INPP5A: variants seen among roughly 807,000 people sequenced by gnomAD.
The protein encoded by INPP5A is 43 kDa inositol polyphosphate 5-phophatase.
A neutral mutation model predicts 65.2 loss-of-function variants in INPP5A; 14 were observed. The observed-to-expected ratio is 0.21, with a 90% CI of 0.14 to 0.34. INPP5A has a LOEUF of 0.34. INPP5A is among the 10% of genes least tolerant of loss of function. The probability of loss-of-function intolerance (pLI) is 1.00; values close to 1 mark genes in which losing one functional copy is unlikely to be tolerated. For synonymous variants in INPP5A, 207 were observed against 208.3 expected, an observed-to-expected ratio of 0.99 and a Z score of 0.05; for missense variants, 431 against 545.6, an observed-to-expected ratio of 0.79 and a Z score of 2.09.
At chr10:132,588,012 CAAAAAAAAAAAAA>C (rs796469034) in intron 1 of INPP5A, among the ~76,000 whole-genome samples, 1 of 55,910 alleles carries the variant, frequency 1.8e-5, no homozygotes, top group Admixed American at 2.0e-4. Flanking sequence ...AACTCCATCT[CAAAAAAAAAAAAA>C]AAAAAAAAGG....
rs1476170328 is a variant in INPP5A at position 132,782,127 on chromosome 10, C to T, written c.*98C>T. The stretch of plus-strand genomic sequence containing the variant: ...CACTCTTGAAAGCTGCATCGAGAAC[C>T]CGCCCAAGCGCCACCTGCTAGACGG... On this transcript the variant is annotated 3_prime_UTR_variant, in exon 16 of 16. Transcript: ENST00000368594. The surrounding 1 kb of genome is among the most constrained non-coding windows in gnomAD (Gnocchi z 4.4). 13 of 1,529,464 alleles carry T rather than the reference C, an allele frequency of 8.5e-6. 1 individual carries two copies. In the East Asian group the frequency reaches 3.0e-4, roughly 36 times the overall value. The allele number at this position is 1,529,464 out of a possible 1,614,324, so 94.7% of individuals were successfully genotyped here.
intron 4 of INPP5A, among the ~76,000 whole-genome samples, chr10:132,683,454 A>G (rs756128758): frequency 6.6e-6 from 1 of 152,120 alleles, no homozygotes; most frequent in South Asian, 2.1e-4. Flanking sequence ...TGTTATATAT[A>G]TATGCACGCA....
At chr10:132,606,815 G>GCCT (rs1361683248) in intron 1 of INPP5A, among the ~76,000 whole-genome samples, 2 of 152,342 alleles carry the variant, frequency 1.3e-5, no homozygotes, top group East Asian at 3.9e-4. Flanking sequence ...CGGGGGCAGG[G>GCCT]CCTTGTTTAT....
chr10:132,618,465 C>T (rs1373335319), intron 2 of INPP5A, among the ~76,000 whole-genome samples: 2 of 152,202 alleles, frequency 1.3e-5, no homozygotes, highest in African/African-American at 2.4e-5. Flanking sequence ...AATAGGTGAG[C>T]TAAATGGAGG....
intron 9 of INPP5A, among the ~76,000 whole-genome samples, chr10:132,734,614 G>A (rs897970175): frequency 1.3e-4 from 20 of 152,202 alleles, no homozygotes; most frequent in Non-Finnish European, 2.2e-4. Flanking sequence ...TGTCCTGTGC[G>A]TTTGCTATGT....
intron 4 of INPP5A, among the ~76,000 whole-genome samples, chr10:132,680,289 G>A (rs1244666641): frequency 2.6e-5 from 4 of 152,182 alleles, no homozygotes; most frequent in Non-Finnish European, 4.4e-5. Context: ...GTCAGAAAGG[G>A]GTTTGAATAG....
chr10:132,585,028 A>G (rs531864279), intron 1 of INPP5A, among the ~76,000 whole-genome samples: 63 of 152,298 alleles, frequency 4.1e-4, no homozygotes, highest in Admixed American at 8.5e-4. Context: ...TTTCCAAGGA[A>G]CTTGTTTAAT....
Position 132,663,082 on chromosome 10 carries a change from C to T in INPP5A, c.306+12577C>T, listed in dbSNP as rs1004149818. 6.6e-6 allele frequency among the ~76,000 whole-genome samples: 1 copy of T among 152,186 alleles called. No homozygotes were observed. Among genetic ancestry groups the T allele is most frequent in the Non-Finnish European group, 1.5e-5 (1 of 68,030 alleles). ...TTCCATCAGCAGCTGGCCCCTCGAA[C>T]GGACTGTGCACACCACTGTGTGTCT... On this transcript the variant is annotated intron_variant, in intron 4 of 15. Transcript: ENST00000368594. This position sits in a 1 kb window ranked among gnomAD's most constrained non-coding sequence, Gnocchi z 4.5.
intron 1 of INPP5A, among the ~76,000 whole-genome samples, chr10:132,544,818 G>A (rs1314198305): frequency 2.6e-5 from 4 of 152,108 alleles, no homozygotes; most frequent in Non-Finnish European, 5.9e-5. Flanking sequence ...CTTTGAGAAC[G>A]GCCGGCGGTG....
intron 1 of INPP5A, among the ~76,000 whole-genome samples, chr10:132,596,490 C>A (rs2071690645): frequency 6.7e-6 from 1 of 150,300 alleles, no homozygotes; most frequent in Non-Finnish European, 1.5e-5. Flanking sequence ...TGCAGTGGCA[C>A]CATCTCAGCT....
chr10:132,550,868 A>G lies in INPP5A; in HGVS notation c.75+12697A>G, dbSNP rs1405216542. 6.6e-6 allele frequency among the ~76,000 whole-genome samples: 1 copy of G among 152,216 alleles called. No individual in the cohort carries two copies. The highest frequency in any genetic ancestry group is 2.4e-5 in the African/African-American group (1 of 41,448). On this transcript the variant is annotated intron_variant, in intron 1 of 15. Coordinates refer to ENST00000368594, the MANE Select transcript of INPP5A (RefSeq NM_005539.5). This position sits in a 1 kb window ranked among gnomAD's most constrained non-coding sequence, Gnocchi z 4.2. ...CATAGCTGTTGTCTCTTTGGCCACC[A>G]ACTGGCCCCTATGGCGTTTGGCCTT...
In INPP5A at chr10:132,749,536, C is replaced by T. The variant is rs774788657; in HGVS notation, c.752C>T (p.Thr251Ile). The change falls in exon 10 of 16, where the codon ACC (threonine) becomes ATC (isoleucine). Residue 251 changes from threonine (T) to isoleucine (I), a missense_variant. By Grantham distance (89) the Thr-to-Ile change is moderately conservative. Coordinates refer to ENST00000368594, the MANE Select transcript of INPP5A (RefSeq NM_005539.5). The part of the protein sequence containing the change: ...SVVETLCTKA[T>I]MQTVRAADTN... ...CTGCAGACGCTCTGCACAAAAGCCA[C>T]CATGCAGACGGTCCGGGCCGCCGAC... is the stretch of plus-strand genomic sequence containing the variant. 1.3e-5 allele frequency: 21 copies of T among 1,612,964 alleles called. No individual in the cohort carries two copies. Among genetic ancestry groups the T allele is most frequent in the Admixed American group, 1.7e-5 (1 of 60,032 alleles).
In INPP5A at chr10:132,708,381, G is replaced by T; in HGVS notation, c.527+16G>T. On this transcript the variant is annotated intron_variant, in intron 7 of 15. Transcript: ENST00000368594. ...TTGCAGACTGGTACGTGGTGTCTGT[G>T]CTTTGTCAATTTCCATAACGTTTCT... 6.2e-7 allele frequency: 1 copy of T among 1,612,398 alleles called. No individual in the cohort carries two copies.
Position 132,627,570 on chromosome 10 carries a change from G to A in INPP5A, c.118-18298G>A, listed in dbSNP as rs1306920625. ...ACTCCCTCTGTGTCCCCAGCTGCCA[G>A]CAACGTGCAGCGGATGACAAGTGAA... is the stretch of plus-strand genomic sequence containing the variant. On this transcript the variant is annotated intron_variant, in intron 2 of 15. Coordinates refer to ENST00000368594, the MANE Select transcript of INPP5A (RefSeq NM_005539.5). The surrounding 1 kb of genome is among the most constrained non-coding windows in gnomAD (Gnocchi z 6.6). Among the ~76,000 whole-genome samples the A allele has an allele frequency of 6.6e-6, 1 of 152,232 alleles. No individual in the cohort carries two copies. The highest frequency in any genetic ancestry group is 1.5e-5 in the Non-Finnish European group (1 of 68,046).
Position 132,697,200 on chromosome 10 carries a change from G to T in INPP5A, c.371-616G>T, listed in dbSNP as rs898099400. 2.6e-5 allele frequency among the ~76,000 whole-genome samples: 4 copies of T among 152,264 alleles called. No individual in the cohort carries two copies. Among genetic ancestry groups the T allele is most frequent in the African/African-American group, 4.8e-5 (2 of 41,472 alleles). On this transcript the variant is annotated intron_variant, in intron 5 of 15. Transcript: ENST00000368594. The surrounding 1 kb of genome is among the most constrained non-coding windows in gnomAD (Gnocchi z 5.6). ...TCCTTGATCACACCCCACCTTGGGTGTGGAGCTACCTGTCCATAAAAAGAA... is the reference window on the plus strand; with the variant it reads ...TCCTTGATCACACCCCACCTTGGGTTTGGAGCTACCTGTCCATAAAAAGAA...
intron 5 of INPP5A, among the ~76,000 whole-genome samples, chr10:132,696,382 C>A (rs1845344184): frequency 1.3e-5 from 2 of 152,126 alleles, no homozygotes; most frequent in Admixed American, 6.5e-5. Context: ...AGAAGAAGAG[C>A]AGAGTCAGAG....
At chr10:132,647,015 C>T (rs2072504880) in intron 3 of INPP5A, among the ~76,000 whole-genome samples, 1 of 152,198 alleles carries the variant, frequency 6.6e-6, no homozygotes. Flanking sequence ...GTGTTGAACT[C>T]CCAGCGCAGG....
Position 132,551,537 on chromosome 10 carries a change from C to T in INPP5A, c.75+13366C>T, listed in dbSNP as rs556274685. 2.0e-5 allele frequency among the ~76,000 whole-genome samples: 3 copies of T among 152,336 alleles called. No individual in the cohort carries two copies. The highest frequency in any genetic ancestry group is 2.0e-4 in the Admixed American group (3 of 15,308). On this transcript the variant is annotated intron_variant, in intron 1 of 15. Transcript: ENST00000368594. The surrounding 1 kb of genome is among the most constrained non-coding windows in gnomAD (Gnocchi z 5.3). Reference sequence around the variant, plus strand: ...GAGGAGCTGGTTCTCTTGAGAAAGACATCTGTCCAAGTAGCACACAGACTT... The same window carrying T: ...GAGGAGCTGGTTCTCTTGAGAAAGATATCTGTCCAAGTAGCACACAGACTT...
At position 132,753,324 on chromosome 10, in the gene INPP5A, C is replaced by A. The variant is rs543322647; in HGVS notation, c.903+3479C>A. ...CACACAGCACCGCAGCCATGGAGAGCAAACTCTCCGTCCGCAGGATGGATG... is the reference window on the plus strand; with the variant it reads ...CACACAGCACCGCAGCCATGGAGAGAAAACTCTCCGTCCGCAGGATGGATG... On this transcript the variant is annotated intron_variant, in intron 11 of 15. Transcript: ENST00000368594. This position sits in a 1 kb window ranked among gnomAD's most constrained non-coding sequence, Gnocchi z 5.3. Among the ~76,000 whole-genome samples the A allele has an allele frequency of 6.6e-6, 1 of 152,284 alleles. No homozygotes were observed. Among genetic ancestry groups the A allele is most frequent in the East Asian group, 1.9e-4 (1 of 5,166 alleles).
Sources: allele counts gnomAD v4.1 joint callset (sites outside exome capture counted in the v4.1 genomes callset), GRCh38; gene constraint gnomAD v4.1.1; non-coding constraint Gnocchi (gnomAD v3.1); transcripts MANE v1.5; gene names NCBI Gene and HGNC (gene_info 2026-07-23, HGNC 2026-07-21).